The following EIF4E variants were observed in gnomAD, a reference collection of about 807,000 sequenced individuals.
EIF4E encodes the protein eukaryotic translation initiation factor 4E.
For synonymous variants in EIF4E, 71 were observed against 88.5 expected (o/e 0.80, Z 1.11); for missense variants, 113 against 265.6 (o/e 0.43, Z 3.99).
intron 2 of EIF4E, chr4:98,894,988 G>C (rs1724313507): frequency 6.6e-6 from 1 of 152,264 alleles, no homozygotes; most frequent in Admixed American, 6.5e-5. Flanking sequence ...GGAATAGGCA[G>C]GCCCAAGGAC....
At chr4:98,920,771 TAC>T (rs1477715521) in intron 1 of EIF4E, among the ~76,000 whole-genome samples, 1 of 152,166 alleles carries the variant, frequency 6.6e-6, no homozygotes, top group African/African-American at 2.4e-5. Flanking sequence ...TAACAAAGTA[TAC>T]AAGTTCAAAT....
intron 3 of EIF4E, among the ~76,000 whole-genome samples, chr4:98,889,157 C>CAA (rs35752327): frequency 2.2e-5 from 3 of 135,702 alleles, no homozygotes; most frequent in African/African-American, 5.5e-5. Context: ...GACTCCATCT[C>CAA]AAAAAAAAAA....
At chr4:98,913,404 C>T (rs1263246382) in intron 1 of EIF4E, among the ~76,000 whole-genome samples, 2 of 151,928 alleles carry the variant, frequency 1.3e-5, no homozygotes, top group Non-Finnish European at 2.9e-5. Flanking sequence ...AATCACAGCT[C>T]ACTGCAGCCT....
rs1444412441 is a variant in EIF4E at position 98,897,435 on chromosome 4, G to A, written c.125+4441C>T. Among the ~76,000 whole-genome samples, 3 of 151,992 alleles carry A rather than the reference G, an allele frequency of 2.0e-5. No homozygotes were observed. The East Asian group carries it at 5.8e-4, about 29-fold the overall frequency. On this transcript the variant is annotated intron_variant, in intron 2 of 6. Transcript: ENST00000450253. The stretch of plus-strand genomic sequence containing the variant: ...AAAATACAAAAATTAGATGGGCATG[G>A]TGGCAGGTGCCTGCAATCCCAGCTA...
intron 6 of EIF4E, among the ~76,000 whole-genome samples, chr4:98,881,619 C>T (rs1314795727): frequency 6.6e-6 from 1 of 152,140 alleles, no homozygotes; most frequent in Non-Finnish European, 1.5e-5. Context: ...CATTTCACGT[C>T]TGAACCCTAG....
chr4:98,890,330 G>C (rs2110183785), intron 3 of EIF4E, among the ~76,000 whole-genome samples: 1 of 152,270 alleles, frequency 6.6e-6, no homozygotes, highest in East Asian at 1.9e-4. Context: ...GTACAAGTTA[G>C]AATATTTAGA....
At chr4:98,883,207 G>T (rs534713511) in intron 6 of EIF4E, among the ~76,000 whole-genome samples, 1 of 152,178 alleles carries the variant, frequency 6.6e-6, no homozygotes, top group African/African-American at 2.4e-5. Flanking sequence ...AAGAGGTGGA[G>T]GTTGCAGTGA....
At chr4:98,918,336 A>G (rs1292877805) in intron 1 of EIF4E, among the ~76,000 whole-genome samples, 3 of 150,826 alleles carry the variant, frequency 2.0e-5, no homozygotes, top group African/African-American at 7.3e-5. Context: ...ACTCCAGCCT[A>G]GGCAAGAGCA....
chr4:98,889,157 CAA>C (rs35752327), intron 3 of EIF4E, among the ~76,000 whole-genome samples: 94 of 135,660 alleles, frequency 6.9e-4, no homozygotes, highest in Admixed American at 7.4e-4. Flanking sequence ...GACTCCATCT[CAA>C]AAAAAAAAAA....
At chr4:98,906,081 C>G (rs1724859850) in intron 1 of EIF4E, among the ~76,000 whole-genome samples, 1 of 152,164 alleles carries the variant, frequency 6.6e-6, no homozygotes, top group Admixed American at 6.5e-5. Flanking sequence ...GATTTCTCAG[C>G]AACTCTCAAC....
At chr4:98,903,841 C>T (rs1724750683) in intron 1 of EIF4E, among the ~76,000 whole-genome samples, 1 of 152,136 alleles carries the variant, frequency 6.6e-6, no homozygotes. Context: ...TTTTTATCAA[C>T]ATTTACTTAC....
intron 2 of EIF4E, among the ~76,000 whole-genome samples, chr4:98,892,828 T>C (rs1462744445): frequency 2.0e-5 from 3 of 152,048 alleles, no homozygotes; most frequent in Non-Finnish European, 4.4e-5. Flanking sequence ...ACTGGGAAAA[T>C]AATAAAGATT....
intron 2 of EIF4E, among the ~76,000 whole-genome samples, chr4:98,898,881 G>C (rs941376202): frequency 1.3e-5 from 2 of 151,820 alleles, no homozygotes; most frequent in African/African-American, 4.8e-5. Context: ...AAATACTTGA[G>C]TACTGCTGAT....
chr4:98,906,209 C>A (rs1166715964), intron 1 of EIF4E, among the ~76,000 whole-genome samples: 1 of 152,120 alleles, frequency 6.6e-6, no homozygotes, highest in African/African-American at 2.4e-5. Context: ...CAGGAACTTC[C>A]AAAAAATTTT....
chr4:98,891,472 G>A, intron 2 of EIF4E, 140 bp from the exon 3 acceptor site: 1 of 709,076 alleles, frequency 1.4e-6, no homozygotes, highest in Non-Finnish European at 2.4e-6. Flanking sequence ...ACACACAATG[G>A]AATACTAAAA....
At chr4:98,903,323 G>A (rs1724726937) in intron 1 of EIF4E, 2 of 415,968 alleles carry the variant, frequency 4.8e-6, no homozygotes, top group Admixed American at 6.5e-5. Flanking sequence ...AGAATGCAGA[G>A]CAGAAAGGTG....
At chr4:98,896,667 C>CAAAAA (rs61329973) in intron 2 of EIF4E, among the ~76,000 whole-genome samples, 4 of 47,678 alleles carry the variant, frequency 8.4e-5, no homozygotes, top group South Asian at 1.1e-3. Flanking sequence ...ATGTCTCTTC[C>CAAAAA]AAAAAAAAAA....
intron 1 of EIF4E, among the ~76,000 whole-genome samples, chr4:98,910,211 T>A (rs527910472): frequency 6.6e-6 from 1 of 152,280 alleles, no homozygotes; most frequent in South Asian, 2.1e-4. Context: ...ATCAAAACTA[T>A]GACTTTTATA....
At chr4:98,912,227 A>G (rs1330075475) in intron 1 of EIF4E, among the ~76,000 whole-genome samples, 1 of 151,150 alleles carries the variant, frequency 6.6e-6, no homozygotes, top group African/African-American at 2.4e-5. Flanking sequence ...ACTCCAGCCT[A>G]GATAACAAGA....
Sources: gnomAD v4.1 joint callset for allele counts (sites outside exome capture counted in the v4.1 genomes callset) on GRCh38, gnomAD v4.1.1 for gene constraint, MANE v1.5 for transcripts, NCBI Gene and HGNC (gene_info 2026-07-23, HGNC 2026-07-21) for gene names.